The following PNP variants were observed in gnomAD, a reference collection of about 807,000 sequenced individuals.
PNP encodes HEL-S-156an.
In PNP, 18 loss-of-function variants were observed where a neutral mutation model predicts 26.8. The ratio of observed to expected loss-of-function variants is 0.67; its 90% CI spans 0.46 to 1.00. The LOEUF (loss-of-function observed/expected upper bound fraction) is 1.00, where lower values mean the gene tolerates loss of function less well. Ranked by LOEUF, PNP falls within the 50% of genes least tolerant of loss-of-function variation. PNP has a pLI of 0.00. For synonymous variants in PNP, 116 were observed against 124.8 expected (o/e 0.93, Z 0.47); for missense variants, 320 against 362.9 (o/e 0.88, Z 0.96).
At chr14:20,475,290 G>A (rs1281255067) in intron 5 of PNP, 38 bp downstream of exon 5, 2 of 1,585,220 alleles carry the variant, frequency 1.3e-6, no homozygotes, top group African/African-American at 1.3e-5. Flanking sequence ...TGAAGAGGGA[G>A]GGGTTTAGCA....
intron 1 of PNP, chr14:20,470,757 G>A (rs190880002): frequency 6.6e-6 from 1 of 152,502 alleles, no homozygotes; most frequent in Admixed American, 6.5e-5. Context: ...AGGACAGGAA[G>A]AAGACCACAG....
chr14:20,472,759 T>A, intron 2 of PNP: 1 of 426,886 alleles, frequency 2.3e-6, no homozygotes, highest in South Asian at 3.7e-5. Flanking sequence ...GTTGTTTATT[T>A]GGTTTACGTA....
In PNP at chr14:20,476,365, C is replaced by A; in HGVS notation, c.653-19C>A. On this transcript the variant is annotated intron_variant, in intron 5 of 5. Transcript: ENST00000361505. ...ATTTGAGGATCCTGACAGTTGGTTTCCATCTTTCTCACTATCAGGCATGAG... is the reference window on the plus strand; with the variant it reads ...ATTTGAGGATCCTGACAGTTGGTTTACATCTTTCTCACTATCAGGCATGAG... 6.3e-7 allele frequency: 1 copy of A among 1,581,682 alleles called. No individual in the cohort carries two copies. Among genetic ancestry groups the A allele is most frequent in the Non-Finnish European group, 8.7e-7 (1 of 1,150,966 alleles).
intron 1 of PNP, 188 bp downstream of exon 1, chr14:20,469,723 G>A (rs1215353185): frequency 2.6e-6 from 2 of 776,250 alleles, no homozygotes; most frequent in Non-Finnish European, 4.3e-6. Flanking sequence ...CGCGGGCAGG[G>A]ACGCACGCGG....
intron 2 of PNP, chr14:20,473,492 G>T (rs1280893671): frequency 6.6e-6 from 1 of 152,222 alleles, no homozygotes; most frequent in East Asian, 1.9e-4. Flanking sequence ...AGGTAATTAA[G>T]TTAGGGCAAT....
intron 1 of PNP, among the ~76,000 whole-genome samples, chr14:20,471,430 G>A (rs12147688): frequency 6.6e-6 from 1 of 150,980 alleles, no homozygotes; most frequent in African/African-American, 2.4e-5. Context: ...GTGTGTGTGT[G>A]TTTTTTATAG....
Position 20,474,547 on chromosome 14 carries a change from A to G in PNP, c.257A>G (p.His86Arg). ...RACVMMQGRF[H>R]MYEGYPLWKV... ...TGTGTGATGATGCAGGGCAGGTTCC[A>G]CATGTATGAAGGGTACCCACTCTGG... is the stretch of plus-strand genomic sequence containing the variant. Residue 86 changes from histidine to arginine, a missense_variant, in exon 3 of 6, where the codon CAC becomes CGC. Physicochemically the swap from His to Arg is conservative, Grantham distance 29. Coordinates refer to ENST00000361505, the MANE Select transcript of PNP (RefSeq NM_000270.4). The G allele has an allele frequency of 1.2e-6, 2 of 1,614,164 alleles. No individual in the cohort carries two copies. The highest frequency in any genetic ancestry group is 2.2e-5 in the South Asian group (2 of 91,082).
intron 1 of PNP, chr14:20,470,406 C>A (rs552442248): frequency 1.3e-5 from 2 of 152,408 alleles, no homozygotes; most frequent in Non-Finnish European, 2.9e-5. Context: ...CCTGTGGCTC[C>A]GTTGACCAGC....
At chr14:20,473,108 A>G (rs376347794) in intron 2 of PNP, 5 of 152,150 alleles carry the variant, frequency 3.3e-5, no homozygotes, top group African/African-American at 1.2e-4. Flanking sequence ...TTTATACTCC[A>G]CTTGGGTTTC....
chr14:20,475,813 A>G (rs960698572), intron 5 of PNP, among the ~76,000 whole-genome samples: 4 of 152,198 alleles, frequency 2.6e-5, no homozygotes, highest in African/African-American at 9.7e-5. Context: ...TAAGAATTCT[A>G]AAAAATTCAC....
Position 20,475,216 on chromosome 14 carries a change from T to C in PNP, c.616T>C (p.Cys206Arg), listed in dbSNP as rs1882076864. Residue 206 changes from cysteine (C) to arginine (R), a missense_variant, in exon 5 of 6, where the codon TGT becomes CGT. Physicochemically the swap from Cys to Arg is radical, Grantham distance 180. Transcript: ENST00000361505. The part of the protein sequence containing the change: ...AGPSFETVAE[C>R]RVLQKLGADA... Reference sequence around the variant, plus strand: ...CCCCAGCTTTGAGACTGTGGCAGAATGTCGTGTGCTGCAGAAGCTGGGAGC... The same window carrying C: ...CCCCAGCTTTGAGACTGTGGCAGAACGTCGTGTGCTGCAGAAGCTGGGAGC... 7 of 1,613,670 alleles carry C rather than the reference T, an allele frequency of 4.3e-6. No homozygotes were observed. Among genetic ancestry groups the C allele is most frequent in the Non-Finnish European group, 5.9e-6 (7 of 1,179,630 alleles).
intron 1 of PNP, among the ~76,000 whole-genome samples, chr14:20,470,092 A>C (rs1760940): frequency 0.22 from 32,869 of 152,076 alleles, 3,600 homozygotes; most frequent in Non-Finnish European, 0.24. Context: ...TGGAGACGGA[A>C]ATCAGTCACC....
rs983218989 is a variant in PNP at position 20,469,666 on chromosome 14, C to A, written c.11+131C>A. 1.6e-5 allele frequency: 20 copies of A among 1,235,206 alleles called. No homozygotes were observed. The African/African-American group carries it at 2.7e-4, about 17-fold the overall frequency. The allele number at this position is 1,235,206 out of a possible 1,614,324, so 76.5% of individuals were successfully genotyped here. ...CCAGGGGATGCAGAGAGGCCTGGCA[C>A]TGAGCCTAGTGTCGGGAGCAAGGCG... is the stretch of plus-strand genomic sequence containing the variant. On this transcript the variant is annotated intron_variant, in intron 1 of 5. Coordinates refer to ENST00000361505, the MANE Select transcript of PNP (RefSeq NM_000270.4).
At position 20,474,871 on chromosome 14, in the gene PNP, TATC is replaced by T. The variant is rs1368860049; in HGVS notation, c.387_389del (p.Ile129del). ...TGAACCCCAAGTTTGAGGTTGGAGATATCATGCTGATCCGTGACCATATCAACC... is the reference window on the plus strand; with the variant it reads ...TGAACCCCAAGTTTGAGGTTGGAGATATGCTGATCCGTGACCATATCAACC... On this transcript the variant is annotated inframe_deletion, in exon 4 of 6. Transcript: ENST00000361505. The T allele has an allele frequency of 4.3e-6, 7 of 1,614,072 alleles. No individual in the cohort carries two copies. Among genetic ancestry groups the T allele is most frequent in the Non-Finnish European group, 5.1e-6 (6 of 1,180,040 alleles).
At chr14:20,472,675 A>G (rs1713422) in intron 2 of PNP, 198 bp downstream of exon 2, 125,807 of 668,286 alleles carry the variant, frequency 0.19, 12,182 homozygotes, top group African/African-American at 0.24. Flanking sequence ...AAGAGACAGG[A>G]CATGTGTGTG....
At position 20,477,022 on chromosome 14, in the gene PNP, T is replaced by G. The variant is rs1166027647; in HGVS notation, c.*421T>G. The G allele has an allele frequency of 3.6e-6, 1 of 277,018 alleles. No homozygotes were observed. Among genetic ancestry groups the G allele is most frequent in the Non-Finnish European group, 7.1e-6 (1 of 140,066 alleles). The allele number at this position is 277,018 out of a possible 1,614,324, so 17.2% of individuals were successfully genotyped here. On this transcript the variant is annotated 3_prime_UTR_variant, in exon 6 of 6. Transcript: ENST00000361505. ...AAATCACCAGAGACCAAACAAGGAC[T>G]AATCCAATACCTCTTGGATTTTATT...
chr14:20,470,269 G>GA (rs1881960562), intron 1 of PNP, among the ~76,000 whole-genome samples: 1 of 152,256 alleles, frequency 6.6e-6, no homozygotes, highest in African/African-American at 2.4e-5. Context: ...GATAGCCAAT[G>GA]AGGAAGTGCT....
chr14:20,474,746 A>C (rs1566525522), intron 3 of PNP, 27 bp from the exon 4 acceptor site: 4 of 1,611,146 alleles, frequency 2.5e-6, no homozygotes, highest in African/African-American at 2.7e-5. Flanking sequence ...AATTTTGTAA[A>C]TTTTTTTCGG....
At chr14:20,474,447 A>G (rs1330709394) in intron 2 of PNP, 25 bp from the exon 3 acceptor site, 3 of 1,589,100 alleles carry the variant, frequency 1.9e-6, no homozygotes, top group South Asian at 2.2e-5. Flanking sequence ...AATCCCATTC[A>G]TTTCTCTTTC....
Sources: allele counts gnomAD v4.1 joint callset (sites outside exome capture counted in the v4.1 genomes callset), GRCh38; gene constraint gnomAD v4.1.1; transcripts MANE v1.5; gene names NCBI Gene and HGNC (gene_info 2026-07-23, HGNC 2026-07-21).